ZNF804A: variants seen among roughly 807,000 people sequenced by gnomAD.
ZNF804A encodes the protein zinc finger protein 804A.
Under a neutral mutation model 16.5 loss-of-function variants are expected in ZNF804A, and 2 were observed. The observed-to-expected ratio is 0.12, with a 90% CI of 0.05 to 0.38. The LOEUF is 0.38. ZNF804A is among the 10% of genes least tolerant of loss of function. The pLI, the probability that ZNF804A is intolerant of heterozygous loss-of-function variation, is 0.99. For missense variants in ZNF804A, 1,473 were observed against 1,390.7 expected, an observed-to-expected ratio of 1.06 and a Z score of -0.94; for synonymous variants, 534 against 489.6, an observed-to-expected ratio of 1.09 and a Z score of -1.20.
At chr2:184,862,518 T>C (rs1253662282) in intron 1 of ZNF804A, among the ~76,000 whole-genome samples, 2 of 152,190 alleles carry the variant, frequency 1.3e-5, no homozygotes, top group Non-Finnish European at 2.9e-5. Context: ...AGCCATGCTA[T>C]GTTTCCTTTA....
intron 1 of ZNF804A, among the ~76,000 whole-genome samples, chr2:184,727,952 G>C (rs771759907): frequency 2.2e-4 from 33 of 151,576 alleles, no homozygotes; most frequent in Non-Finnish European, 2.2e-4. Context: ...TGGCAAACAC[G>C]GTCTGTGAAT....
At chr2:184,643,367 C>T (rs1245438368) in intron 1 of ZNF804A, among the ~76,000 whole-genome samples, 1 of 151,848 alleles carries the variant, frequency 6.6e-6, no homozygotes, top group African/African-American at 2.4e-5. Context: ...AATAAAAATA[C>T]TGTCTAGGAG....
chr2:184,896,375 G>A lies in ZNF804A; in HGVS notation c.255+29863G>A, dbSNP rs183430967. On this transcript the variant is annotated intron_variant, in intron 2 of 3. Coordinates refer to ENST00000302277, the MANE Select transcript of ZNF804A (RefSeq NM_194250.2). Reference sequence around the variant, plus strand: ...AGCATCTTCATGTTATACTCAGATAGGGGTACAGTTTACCTGAAATTTTCC... The same window carrying A: ...AGCATCTTCATGTTATACTCAGATAAGGGTACAGTTTACCTGAAATTTTCC... Among the ~76,000 whole-genome samples, 1,285 of 149,652 alleles carry A rather than the reference G, an allele frequency of 8.6e-3. 12 individuals carry two copies. The highest frequency in any genetic ancestry group is 0.062 in the Middle Eastern group (18 of 292).
intron 1 of ZNF804A, among the ~76,000 whole-genome samples, chr2:184,642,469 T>A (rs887611652): frequency 3.9e-5 from 6 of 152,326 alleles, no homozygotes; most frequent in African/African-American, 1.2e-4. Context: ...GTTCAGAGTT[T>A]ACTTGGCTCT....
At chr2:184,782,660 T>C (rs1186097312) in intron 1 of ZNF804A, among the ~76,000 whole-genome samples, 2 of 149,392 alleles carry the variant, frequency 1.3e-5, no homozygotes, top group East Asian at 2.0e-4. Context: ...AGCATATATA[T>C]ATATGCTTAA....
chr2:184,739,690 C>T (rs1693684456), intron 1 of ZNF804A, among the ~76,000 whole-genome samples: 1 of 152,122 alleles, frequency 6.6e-6, no homozygotes, highest in Non-Finnish European at 1.5e-5. Context: ...CCATGCTGGG[C>T]CTCATGACTA....
At chr2:184,621,555 G>A (rs1197299502) in intron 1 of ZNF804A, among the ~76,000 whole-genome samples, 1 of 151,494 alleles carries the variant, frequency 6.6e-6, no homozygotes, top group African/African-American at 2.4e-5. Context: ...CTATATTTCT[G>A]TAACAAATGT....
chr2:184,923,317 G>A (rs1685560183), intron 2 of ZNF804A, among the ~76,000 whole-genome samples: 1 of 151,898 alleles, frequency 6.6e-6, no homozygotes, highest in African/African-American at 2.4e-5. Flanking sequence ...TATTGCAAAT[G>A]AAATTACTTT....
intron 1 of ZNF804A, among the ~76,000 whole-genome samples, chr2:184,724,398 C>G (rs989343397): frequency 1.3e-5 from 2 of 151,552 alleles, no homozygotes; most frequent in Non-Finnish European, 3.0e-5. Flanking sequence ...CATGATATTT[C>G]CCATAGGAAG....
chr2:184,866,087 C>T (rs1430719326), intron 1 of ZNF804A, among the ~76,000 whole-genome samples: 2 of 152,162 alleles, frequency 1.3e-5, no homozygotes, highest in Admixed American at 1.3e-4. Context: ...GCTAACCTAG[C>T]ATAGGAACTT....
At chr2:184,719,753 C>G (rs1184843124) in intron 1 of ZNF804A, among the ~76,000 whole-genome samples, 3 of 152,100 alleles carry the variant, frequency 2.0e-5, no homozygotes, top group Non-Finnish European at 4.4e-5. Context: ...TTTCATGGTT[C>G]ATATCATTAT....
intron 1 of ZNF804A, among the ~76,000 whole-genome samples, chr2:184,864,982 G>A (rs1317880570): frequency 6.8e-6 from 1 of 146,804 alleles, no homozygotes; most frequent in Non-Finnish European, 1.5e-5. Context: ...CCACGTTCAA[G>A]CAATTCTCCT....
chr2:184,821,035 T>C (rs539509585), intron 1 of ZNF804A, among the ~76,000 whole-genome samples: 26 of 152,040 alleles, frequency 1.7e-4, no homozygotes, highest in Admixed American at 7.2e-4. Context: ...TAAATTATCA[T>C]TGACAGTCTT....
intron 1 of ZNF804A, among the ~76,000 whole-genome samples, chr2:184,738,487 G>A (rs1054115152): frequency 1.3e-5 from 2 of 152,116 alleles, no homozygotes; most frequent in African/African-American, 4.8e-5. Context: ...CCTTATCTAA[G>A]GATAATTAAA....
At chr2:184,903,023 A>G (rs528219772) in intron 2 of ZNF804A, among the ~76,000 whole-genome samples, 1 of 152,312 alleles carries the variant, frequency 6.6e-6, no homozygotes, top group East Asian at 1.9e-4. Flanking sequence ...GAGACAATAC[A>G]GCAGGAACCA....
At chr2:184,629,757 G>A (rs1169981888) in intron 1 of ZNF804A, among the ~76,000 whole-genome samples, 1 of 152,118 alleles carries the variant, frequency 6.6e-6, no homozygotes, top group East Asian at 1.9e-4. Context: ...ATATTCTGAA[G>A]TTACTTGTTG....
rs538061762 is a variant in ZNF804A, at chr2:184,634,972, AT to A, written c.111+35903del. On this transcript the variant is annotated intron_variant, in intron 1 of 3. Coordinates refer to ENST00000302277, the MANE Select transcript of ZNF804A (RefSeq NM_194250.2). ...GCTAATTTTGTATTTTTTTAAAAAAATAAAAGCTGTATAAACACATGACTCA... is the reference window on the plus strand; with the variant it reads ...GCTAATTTTGTATTTTTTTAAAAAAAAAAAGCTGTATAAACACATGACTCA... 2.4e-3 allele frequency among the ~76,000 whole-genome samples: 363 copies of A among 151,886 alleles called. 3 individuals are homozygous for A. Among genetic ancestry groups the A allele is most frequent in the African/African-American group, 8.4e-3 (348 of 41,414 alleles).
chr2:184,722,200 G>A (rs1693328763), intron 1 of ZNF804A, among the ~76,000 whole-genome samples: 1 of 152,094 alleles, frequency 6.6e-6, no homozygotes, highest in Non-Finnish European at 1.5e-5. Flanking sequence ...ATCATGTTAT[G>A]CTTAAGTAGA....
In ZNF804A at chr2:184,935,401, T is replaced by C. The variant is rs574603724; in HGVS notation, c.387-382T>C. ...TAGAACTTTCATCATATTTACCATATAGCATCAATGATATTAAGTATGTGT... is the reference window on the plus strand; with the variant it reads ...TAGAACTTTCATCATATTTACCATACAGCATCAATGATATTAAGTATGTGT... On this transcript the variant is annotated intron_variant, in intron 3 of 3. Transcript: ENST00000302277. 2.4e-4 allele frequency among the ~76,000 whole-genome samples: 37 copies of C among 152,288 alleles called. No individual in the cohort carries two copies. In the South Asian group the frequency reaches 7.0e-3, roughly 29 times the overall value.
Sources: allele counts gnomAD v4.1 joint callset (sites outside exome capture counted in the v4.1 genomes callset), GRCh38; gene constraint gnomAD v4.1.1; transcripts MANE v1.5; gene names NCBI Gene and HGNC (gene_info 2026-07-23, HGNC 2026-07-21).